The following PTER variants were observed in gnomAD, a reference collection of about 807,000 sequenced individuals.
The protein encoded by PTER is N-acetyltaurine hydrolase.
In PTER, 38 loss-of-function variants were observed where a neutral mutation model predicts 29.6. The ratio of observed to expected loss-of-function variants is 1.28; its 90% CI spans 0.99 to 1.68. The LOEUF is 1.68. Among genes scored for constraint, PTER ranks in the 40% most tolerant of loss-of-function variants. The pLI is 0.00. For missense variants in PTER, 482 were observed against 427.8 expected, an observed-to-expected ratio of 1.13 and a Z score of -1.12; for synonymous variants, 172 against 154.5, an observed-to-expected ratio of 1.11 and a Z score of -0.84.
intron 1 of PTER, among the ~76,000 whole-genome samples, chr10:16,472,304 C>G (rs1328941723): frequency 6.6e-6 from 1 of 152,230 alleles, no homozygotes; most frequent in South Asian, 2.1e-4. Context: ...ATCATGTATG[C>G]CTCATACGGA....
At chr10:16,458,167 C>A (rs1440060152) in intron 1 of PTER, among the ~76,000 whole-genome samples, 1 of 151,918 alleles carries the variant, frequency 6.6e-6, no homozygotes, top group African/African-American at 2.4e-5. Flanking sequence ...TGTAGGAAGA[C>A]CTGACTGCAA....
intron 1 of PTER, among the ~76,000 whole-genome samples, chr10:16,481,955 A>C (rs1370847874): frequency 6.6e-6 from 1 of 152,124 alleles, no homozygotes; most frequent in Non-Finnish European, 1.5e-5. Flanking sequence ...GGAATAAGAC[A>C]CTGAACAGTA....
At chr10:16,450,476 C>A (rs1834165108) in intron 1 of PTER, among the ~76,000 whole-genome samples, 1 of 152,226 alleles carries the variant, frequency 6.6e-6, no homozygotes, top group South Asian at 2.1e-4. Flanking sequence ...TCCCCAGTTT[C>A]ATCTGGGTCA....
chr10:16,474,658 C>G (rs547280120), intron 1 of PTER, among the ~76,000 whole-genome samples: 1 of 152,014 alleles, frequency 6.6e-6, no homozygotes, highest in East Asian at 1.9e-4. Flanking sequence ...GAGGCCGAGG[C>G]AGGTGGATCA....
chr10:16,494,131 A>G lies in PTER; in HGVS notation c.698+7514A>G. Among the ~76,000 whole-genome samples the G allele has an allele frequency of 1.3e-5, 2 of 152,210 alleles. 1 individual carries two copies. Among genetic ancestry groups the G allele is most frequent in the Admixed American group, 1.3e-4 (2 of 15,276 alleles). ...TTCCCTGAACCGTGTATCGCCTTAC[A>G]TGAAAAACGCAACCTCTTTTGTGCT... On this transcript the variant is annotated intron_variant, in intron 3 of 4. Transcript: ENST00000535784.
chr10:16,480,410 G>C (rs1490829069), intron 1 of PTER, among the ~76,000 whole-genome samples: 1 of 151,960 alleles, frequency 6.6e-6, no homozygotes, highest in African/African-American at 2.4e-5. Flanking sequence ...TGGCCAGGCT[G>C]GTCTCGAACT....
chr10:16,447,087 C>A (rs1307756927), intron 1 of PTER, among the ~76,000 whole-genome samples: 1 of 146,746 alleles, frequency 6.8e-6, no homozygotes, highest in African/African-American at 2.6e-5. Context: ...GCATACCCGG[C>A]CTTTTTTTCT....
At chr10:16,466,406 A>C (rs749803186) in intron 1 of PTER, among the ~76,000 whole-genome samples, 1 of 152,092 alleles carries the variant, frequency 6.6e-6, no homozygotes, top group Non-Finnish European at 1.5e-5. Flanking sequence ...CCCAGGTTGC[A>C]GTGCAGTGGC....
intron 1 of PTER, among the ~76,000 whole-genome samples, chr10:16,454,196 C>T (rs1564387283): frequency 6.6e-6 from 1 of 152,180 alleles, no homozygotes; most frequent in Non-Finnish European, 1.5e-5. Flanking sequence ...AACTCCACTT[C>T]TAATCCATTT....
At chr10:16,507,565 T>G (rs1341763737) in intron 4 of PTER, among the ~76,000 whole-genome samples, 1 of 152,214 alleles carries the variant, frequency 6.6e-6, no homozygotes, top group African/African-American at 2.4e-5. Context: ...TGAGGATCTT[T>G]CCCTGGGAAG....
At chr10:16,453,938 T>C (rs1040888786) in intron 1 of PTER, among the ~76,000 whole-genome samples, 1 of 152,212 alleles carries the variant, frequency 6.6e-6, no homozygotes, top group African/African-American at 2.4e-5. Flanking sequence ...CTTGTTTTAT[T>C]AATGAGAAAA....
chr10:16,474,982 T>C (rs1835206920), intron 1 of PTER, among the ~76,000 whole-genome samples: 2 of 152,194 alleles, frequency 1.3e-5, no homozygotes, highest in South Asian at 4.1e-4. Flanking sequence ...GGAGGGCCTA[T>C]GTCCTGGTTT....
intron 1 of PTER, among the ~76,000 whole-genome samples, chr10:16,475,519 A>G (rs185889608): frequency 6.6e-6 from 1 of 152,282 alleles, no homozygotes; most frequent in Non-Finnish European, 1.5e-5. Flanking sequence ...AGCTGCTTCC[A>G]ATGATATGGG....
At chr10:16,505,914 G>A (rs1293501712) in intron 4 of PTER, among the ~76,000 whole-genome samples, 1 of 152,138 alleles carries the variant, frequency 6.6e-6, no homozygotes, top group Non-Finnish European at 1.5e-5. Context: ...TGAACCGTGG[G>A]AATGAATGAC....
chr10:16,477,871 T>A (rs1027930664), intron 1 of PTER, among the ~76,000 whole-genome samples: 17 of 152,240 alleles, frequency 1.1e-4, no homozygotes, highest in African/African-American at 3.9e-4. Flanking sequence ...ACTGATCAAA[T>A]ACAGCTAAAG....
chr10:16,467,986 C>G (rs1033185275), intron 1 of PTER, among the ~76,000 whole-genome samples: 6 of 152,058 alleles, frequency 3.9e-5, no homozygotes, highest in African/African-American at 1.4e-4. Flanking sequence ...ATGTCATATT[C>G]CGTAAAAGGG....
chr10:16,514,100 C>G (rs966625260), downstream of PTER: 15 of 385,860 alleles, frequency 3.9e-5, no homozygotes, highest in Non-Finnish European at 6.9e-5. Flanking sequence ...ATCATTCTTC[C>G]CCACACTATG....
chr10:16,467,708 A>G (rs186471317), intron 1 of PTER, among the ~76,000 whole-genome samples: 43 of 152,244 alleles, frequency 2.8e-4, no homozygotes, highest in Admixed American at 2.7e-3. Flanking sequence ...GCTACTCGGG[A>G]GGCTGACGCA....
intron 1 of PTER, among the ~76,000 whole-genome samples, chr10:16,452,700 C>T (rs906116365): frequency 6.0e-5 from 9 of 149,490 alleles, no homozygotes; most frequent in African/African-American, 1.7e-4. Flanking sequence ...TTCTCCTTCT[C>T]CTTCCTTTTC....
Sources: gnomAD v4.1 joint callset for allele counts (sites outside exome capture counted in the v4.1 genomes callset) on GRCh38, gnomAD v4.1.1 for gene constraint, MANE v1.5 for transcripts, NCBI Gene and HGNC (gene_info 2026-07-23, HGNC 2026-07-21) for gene names.